The following SOX5 variants were observed in gnomAD, a reference collection of about 807,000 sequenced individuals.
SOX5 encodes the protein transcription factor SOX-5.
A neutral mutation model predicts 92.0 loss-of-function variants in SOX5; 9 were observed. The observed-to-expected ratio is 0.10, with a 90% CI of 0.06 to 0.17. The LOEUF (loss-of-function observed/expected upper bound fraction) is 0.17. Among genes scored for constraint, SOX5 ranks in the 10% least tolerant of loss-of-function variants. The probability of loss-of-function intolerance (pLI) is 1.00; values close to 1 mark genes in which losing one functional copy is unlikely to be tolerated. For synonymous variants in SOX5, 344 were observed against 336.3 expected (o/e 1.02, Z -0.25); for missense variants, 642 against 944.5 (o/e 0.68, Z 4.20).
At chr12:23,753,790 A>G (rs2094266860) in intron 4 of SOX5, among the ~76,000 whole-genome samples, 1 of 151,742 alleles carries the variant, frequency 6.6e-6, no homozygotes, top group Non-Finnish European at 1.5e-5. Flanking sequence ...ACTTACCCCC[A>G]GAGGGCAACA....
intron 4 of SOX5, among the ~76,000 whole-genome samples, chr12:23,958,634 T>C (rs1045930892): frequency 1.3e-5 from 2 of 151,840 alleles, no homozygotes; most frequent in African/African-American, 4.8e-5. Flanking sequence ...TCACTAGGAA[T>C]TGACGCTAGG....
At chr12:23,747,456 C>G (rs2141101865) in intron 4 of SOX5, among the ~76,000 whole-genome samples, 1 of 152,248 alleles carries the variant, frequency 6.6e-6, no homozygotes, top group East Asian at 1.9e-4. Flanking sequence ...AAAATGCAAA[C>G]TCCTACCCTT....
chr12:24,357,704 G>A (rs373037293), intron 2 of SOX5, among the ~76,000 whole-genome samples: 4 of 152,124 alleles, frequency 2.6e-5, no homozygotes, highest in African/African-American at 7.2e-5. Flanking sequence ...TTAGCTGGGC[G>A]TGGTGGCGTG....
At chr12:24,477,014 AAAAG>A (rs1255866335) in intron 1 of SOX5, among the ~76,000 whole-genome samples, 1 of 151,604 alleles carries the variant, frequency 6.6e-6, no homozygotes, top group African/African-American at 2.4e-5. Flanking sequence ...AAAAAAAAAA[AAAAG>A]AGTTCATTCC....
At chr12:24,085,964 A>G (rs1943943105) in intron 4 of SOX5, among the ~76,000 whole-genome samples, 1 of 152,042 alleles carries the variant, frequency 6.6e-6, no homozygotes, top group Admixed American at 6.6e-5. Flanking sequence ...GCTAAAAAAA[A>G]AAAAAAAGTA....
At chr12:23,777,359 T>C (rs532269829) in intron 3 of SOX5, among the ~76,000 whole-genome samples, 1 of 152,254 alleles carries the variant, frequency 6.6e-6, no homozygotes, top group South Asian at 2.1e-4. Flanking sequence ...TCTTGTTAGA[T>C]CTAATTAAAT....
chr12:23,581,276 C>T (rs547251072), intron 9 of SOX5, among the ~76,000 whole-genome samples: 8 of 152,014 alleles, frequency 5.3e-5, no homozygotes, highest in Admixed American at 1.3e-4. Context: ...TATTCTTATC[C>T]TCACAACATG....
intron 8 of SOX5, among the ~76,000 whole-genome samples, chr12:23,613,414 A>G (rs1197903246): frequency 6.6e-6 from 1 of 152,118 alleles, no homozygotes; most frequent in Non-Finnish European, 1.5e-5. Flanking sequence ...CGCTGATGGG[A>G]CTGTGCAATG....
chr12:23,593,018 G>T (rs2137172781), intron 9 of SOX5, among the ~76,000 whole-genome samples: 1 of 152,230 alleles, frequency 6.6e-6, no homozygotes, highest in African/African-American at 2.4e-5. Context: ...GGCAAAGGTT[G>T]CAGTGAGCCA....
rs554183759 is a variant in SOX5 at position 23,723,600 on chromosome 12, G to A, written c.810+11084C>T. 9.5e-3 allele frequency among the ~76,000 whole-genome samples: 1,296 copies of A among 137,114 alleles called. 8 individuals are homozygous for A. Among genetic ancestry groups the A allele is most frequent in the Non-Finnish European group, 0.012 (773 of 61,906 alleles). The allele number at this position is 137,114 out of a possible 152,430, so 90.0% of individuals were successfully genotyped here. Reference sequence around the variant, plus strand: ...TATATATACACACACACACACACACGCACTCACACACACACAAACACACAT... The same window carrying A: ...TATATATACACACACACACACACACACACTCACACACACACAAACACACAT... On this transcript the variant is annotated intron_variant, in intron 6 of 14. Transcript: ENST00000451604.
intron 1 of SOX5, among the ~76,000 whole-genome samples, chr12:24,378,474 C>T (rs1182820283): frequency 6.6e-6 from 1 of 152,206 alleles, no homozygotes; most frequent in Admixed American, 6.5e-5. Context: ...GTTCCCCTAG[C>T]TCTGTCCTTG....
At chr12:24,003,639 A>T (rs1282899635) in intron 4 of SOX5, among the ~76,000 whole-genome samples, 1 of 152,112 alleles carries the variant, frequency 6.6e-6, no homozygotes, top group Non-Finnish European at 1.5e-5. Context: ...AATCACTGAG[A>T]GAAATTAAAG....
At chr12:24,406,103 G>T (rs372825308) in intron 1 of SOX5, among the ~76,000 whole-genome samples, 5 of 152,096 alleles carry the variant, frequency 3.3e-5, no homozygotes, top group African/African-American at 1.2e-4. Flanking sequence ...TCTGAGAAGT[G>T]CCCGCAGCCT....
chr12:23,833,605 T>A, intron 3 of SOX5, among the ~76,000 whole-genome samples: 1 of 152,116 alleles, frequency 6.6e-6, no homozygotes, highest in East Asian at 1.9e-4. Flanking sequence ...AATATAAAGT[T>A]TTCACTTGTA....
At chr12:24,413,180 C>A (rs4505147) in intron 1 of SOX5, among the ~76,000 whole-genome samples, 45,994 of 151,932 alleles carry the variant, frequency 0.3, 7,286 homozygotes, top group Middle Eastern at 0.36. Context: ...GTGAGTTTGT[C>A]TATTTCTCCT....
chr12:24,008,538 A>T (rs768007722), intron 4 of SOX5, among the ~76,000 whole-genome samples: 34 of 152,162 alleles, frequency 2.2e-4, no homozygotes, highest in Admixed American at 2.2e-3. Context: ...TTCAAAATAT[A>T]AAAGAAAAAA....
rs527661520 is a variant in SOX5 at position 23,997,958 on chromosome 12, T to TG, written c.-1-101935dup. On this transcript the variant is annotated intron_variant, in intron 4 of 4. Transcript: ENST00000446891. The stretch of plus-strand genomic sequence containing the variant: ...GAAACAACAACAACTACTACTATGG[T>TG]GGGGGGGTGCAAGGTGAAGAGGTCA... 3.9e-4 allele frequency among the ~76,000 whole-genome samples: 59 copies of TG among 151,864 alleles called. 1 individual carries two copies. The highest frequency in any genetic ancestry group is 6.3e-4 in the Non-Finnish European group (43 of 67,960).
chr12:24,324,147 T>C (rs1950461488), intron 2 of SOX5, among the ~76,000 whole-genome samples: 1 of 152,142 alleles, frequency 6.6e-6, no homozygotes, highest in Non-Finnish European at 1.5e-5. Context: ...ATTTCAAACG[T>C]CATTTTGCTT....
intron 4 of SOX5, among the ~76,000 whole-genome samples, chr12:24,071,025 T>G (rs2137435267): frequency 6.6e-6 from 1 of 152,328 alleles, no homozygotes; most frequent in East Asian, 1.9e-4. Context: ...TACATTATCT[T>G]ATTTTAAACT....
Sources: gnomAD v4.1 joint callset for allele counts (sites outside exome capture counted in the v4.1 genomes callset) on GRCh38, gnomAD v4.1.1 for gene constraint, MANE v1.5 for transcripts, NCBI Gene and HGNC (gene_info 2026-07-23, HGNC 2026-07-21) for gene names.